SLX9: variants seen among roughly 807,000 people sequenced by gnomAD.
SLX9 encodes the protein ribosome biogenesis protein SLX9 homolog.
SLX9 carries 19 observed loss-of-function variants against 20.8 expected under a neutral mutation model. The observed-to-expected ratio is 0.91, with a 90% CI of 0.64 to 1.34. SLX9 has a LOEUF of 1.34. SLX9 is among the 40% of genes most tolerant of loss of function. The probability of loss-of-function intolerance (pLI) is 0.00; values close to 1 mark genes in which losing one functional copy is unlikely to be tolerated. For synonymous variants in SLX9, 113 were observed against 137.1 expected, an observed-to-expected ratio of 0.82 and a Z score of 1.23; for missense variants, 299 against 322.2, an observed-to-expected ratio of 0.93 and a Z score of 0.55.
intron 3 of SLX9, among the ~76,000 whole-genome samples, 159 bp from the exon 4 acceptor site, chr21:44,966,875 C>T (rs1237381794): frequency 6.6e-6 from 1 of 152,234 alleles, no homozygotes; most frequent in East Asian, 1.9e-4. Flanking sequence ...TCAAGCCTGC[C>T]CGCCCTGCAG....
chr21:44,943,614 A>C, intron 1 of SLX9, 70 bp from the exon 2 acceptor site: 1 of 1,583,730 alleles, frequency 6.3e-7, no homozygotes, highest in Non-Finnish European at 8.6e-7. Context: ...CCTCACCTTT[A>C]ACGTCCCTCT....
At chr21:44,973,775 C>T (rs558962405) in intron 5 of SLX9, among the ~76,000 whole-genome samples, 93 of 152,294 alleles carry the variant, frequency 6.1e-4, no homozygotes, top group African/African-American at 1.9e-3. Context: ...GAGCCCCGCC[C>T]GTGCCTCTAG....
At chr21:44,942,163 GA>G (rs2146602913) in intron 1 of SLX9, among the ~76,000 whole-genome samples, 1 of 152,344 alleles carries the variant, frequency 6.6e-6, no homozygotes, top group South Asian at 2.1e-4. Flanking sequence ...GGTACAGTGG[GA>G]AAAGCAGTCG....
chr21:44,959,272 A>G, intron 2 of SLX9: 1 of 984,968 alleles, frequency 1.0e-6, no homozygotes, highest in Non-Finnish European at 1.2e-6. Flanking sequence ...GAATTAAAAG[A>G]GATACTGGGA....
At chr21:44,942,195 A>G (rs927549859) in intron 1 of SLX9, among the ~76,000 whole-genome samples, 4 of 152,206 alleles carry the variant, frequency 2.6e-5, no homozygotes, top group Admixed American at 6.5e-5. Flanking sequence ...ACCAACATAC[A>G]TTCATGATCT....
chr21:44,947,149 C>A (rs537854045), intron 2 of SLX9, among the ~76,000 whole-genome samples: 36 of 152,334 alleles, frequency 2.4e-4, no homozygotes, highest in Middle Eastern at 6.8e-3. Context: ...TTGGCTGGTG[C>A]CCTGCGTCCC....
In SLX9 at chr21:44,967,148, G is replaced by T. The variant is rs767297798; in HGVS notation, c.467G>T (p.Gly156Val). The change falls in exon 4 of 6, where the codon GGG (glycine) becomes GTG (valine). Residue 156 changes from glycine to valine, a missense_variant. Gly to Val is a moderately radical substitution (Grantham distance 109). Transcript: ENST00000291634. Reference protein sequence around the residue: ...PLRDALPELLGLEAGSRRQAR... With the variant: ...PLRDALPELLVLEAGSRRQAR... ...AGGGATGCCCTGCCCGAGCTGCTGG[G>T]GCTCGAGGCTGGCAGCCGGCGCCAA... The T allele has an allele frequency of 6.3e-7, 1 of 1,598,034 alleles. No individual in the cohort carries two copies. Among genetic ancestry groups the T allele is most frequent in the African/African-American group, 1.3e-5 (1 of 74,220 alleles).
At chr21:44,941,063 C>G (rs1482686783) in intron 1 of SLX9, among the ~76,000 whole-genome samples, 1 of 151,926 alleles carries the variant, frequency 6.6e-6, no homozygotes, top group Non-Finnish European at 1.5e-5. Context: ...AATTTATTTA[C>G]TTTCTTTCTC....
At chr21:44,963,254 A>C (rs922015911) in intron 3 of SLX9, among the ~76,000 whole-genome samples, 1 of 151,942 alleles carries the variant, frequency 6.6e-6, no homozygotes, top group Non-Finnish European at 1.5e-5. Flanking sequence ...GTGCCCGGCT[A>C]ATTTTTTTGT....
intron 4 of SLX9, chr21:44,969,282 C>G (rs532843145): frequency 4.4e-6 from 2 of 451,224 alleles, no homozygotes; most frequent in Non-Finnish European, 9.4e-6. Flanking sequence ...CCCGGAGTGG[C>G]GATGTGATGA....
At chr21:44,971,311 C>T (rs1285947573) in intron 4 of SLX9, among the ~76,000 whole-genome samples, 1 of 152,220 alleles carries the variant, frequency 6.6e-6, no homozygotes, top group Non-Finnish European at 1.5e-5. Context: ...CGCGTCCCTG[C>T]CGGTGCTTGC....
At chr21:44,942,911 G>C (rs2084574337) in intron 1 of SLX9, among the ~76,000 whole-genome samples, 2 of 152,036 alleles carry the variant, frequency 1.3e-5, no homozygotes, top group African/African-American at 4.8e-5. Context: ...TTCCATATGG[G>C]GGTTTTATCT....
intron 5 of SLX9, among the ~76,000 whole-genome samples, chr21:44,974,111 T>C (rs185658499): frequency 1.4e-3 from 219 of 152,362 alleles, no homozygotes; most frequent in Middle Eastern, 0.01. Flanking sequence ...CTTGCCTCTT[T>C]GCAGACTCAG....
chr21:44,944,364 G>C (rs1384137575), intron 2 of SLX9, among the ~76,000 whole-genome samples: 2 of 152,196 alleles, frequency 1.3e-5, no homozygotes, highest in East Asian at 3.8e-4. Flanking sequence ...ACACACGTCA[G>C]CCTGGCCAGT....
At position 44,968,753 on chromosome 21, in the gene SLX9, C is replaced by CTTTTTT. The variant is rs35304604; in HGVS notation, c.500+1584_500+1589dup. 3.0e-5 allele frequency among the ~76,000 whole-genome samples: 4 copies of CTTTTTT among 132,948 alleles called. 2 individuals are homozygous for CTTTTTT. The highest frequency in any genetic ancestry group is 3.2e-5 in the Non-Finnish European group (2 of 62,750). 87.2% of individuals were successfully genotyped at this position (132,948 alleles called of 152,430 possible). The stretch of plus-strand genomic sequence containing the variant: ...CTCATTCATTTGTGTCATCTCTGTG[C>CTTTTTT]TTTTTTTTTTTTTTTTTGGAGACGG... On this transcript the variant is annotated intron_variant, in intron 4 of 5. Coordinates refer to ENST00000291634, the MANE Select transcript of SLX9 (RefSeq NM_058190.4).
At position 44,954,342 on chromosome 21, in the gene SLX9, G is replaced by A. The variant is rs112313545; in HGVS notation, c.284-5758G>A. On this transcript the variant is annotated intron_variant, in intron 2 of 5. Coordinates refer to ENST00000291634, the MANE Select transcript of SLX9 (RefSeq NM_058190.4). ...GGGTGCCGTGCACAGGCTGTCTCCA[G>A]TGCTCCTGGGTACCCTTCTCTCAGG... Among the ~76,000 whole-genome samples, 494 of 152,250 alleles carry A rather than the reference G, an allele frequency of 3.2e-3. 2 individuals are homozygous for A. Among genetic ancestry groups the A allele is most frequent in the Non-Finnish European group, 3.9e-3 (267 of 68,004 alleles).
intron 2 of SLX9, among the ~76,000 whole-genome samples, chr21:44,954,827 C>CACTGT (rs2146637061): frequency 6.6e-6 from 1 of 152,318 alleles, no homozygotes; most frequent in Non-Finnish European, 1.5e-5. Flanking sequence ...TGTTCCAGGA[C>CACTGT]ACTGTCTTTG....
At chr21:44,950,585 T>G (rs1357652585) in intron 2 of SLX9, among the ~76,000 whole-genome samples, 2 of 152,180 alleles carry the variant, frequency 1.3e-5, no homozygotes, top group Non-Finnish European at 2.9e-5. Flanking sequence ...GTGAGCCACA[T>G]GTTGTTGAGA....
At chr21:44,944,490 C>T (rs115086577) in intron 2 of SLX9, among the ~76,000 whole-genome samples, 10 of 152,334 alleles carry the variant, frequency 6.6e-5, no homozygotes, top group African/African-American at 2.4e-4. Flanking sequence ...CCACCATGGT[C>T]AATGCTGGGA....
Sources: gnomAD v4.1 joint callset for allele counts (sites outside exome capture counted in the v4.1 genomes callset) on GRCh38, gnomAD v4.1.1 for gene constraint, MANE v1.5 for transcripts, NCBI Gene and HGNC (gene_info 2026-07-23, HGNC 2026-07-21) for gene names.